The following BMAL1 variants were observed in gnomAD, a reference collection of about 807,000 sequenced individuals.
The protein encoded by BMAL1 is basic helix-loop-helix ARNT-like protein 1.
chr11:13,325,916 A>G, the BMAL1 span, among the ~76,000 whole-genome samples: 6 of 152,024 alleles, frequency 3.9e-5, no homozygotes, highest in South Asian at 1.2e-3. Flanking sequence ...GAAAGAGTAG[A>G]ACAAGGGGCC....
At chr11:13,287,525 A>G in the BMAL1 span, among the ~76,000 whole-genome samples, 1 of 152,222 alleles carries the variant, frequency 6.6e-6, no homozygotes, top group East Asian at 1.9e-4. Flanking sequence ...AAAGTCTCTC[A>G]ATAAATACTT....
the BMAL1 span, chr11:13,369,771 A>G: frequency 8.1e-6 from 13 of 1,608,006 alleles, no homozygotes; most frequent in Admixed American, 1.7e-5. Context: ...AAAAAAGGTA[A>G]CAATTTAACA....
At chr11:13,289,413 A>G in the BMAL1 span, among the ~76,000 whole-genome samples, 134 of 152,232 alleles carry the variant, frequency 8.8e-4, no homozygotes, top group Middle Eastern at 3.4e-3. Context: ...TTTAAGTTCT[A>G]GGGTACATGT....
chr11:13,341,738 T>C, the BMAL1 span, among the ~76,000 whole-genome samples: 1 of 152,276 alleles, frequency 6.6e-6, no homozygotes, highest in African/African-American at 2.4e-5. Flanking sequence ...CTCTCTCCTC[T>C]TATTCTGTAG....
the BMAL1 span, among the ~76,000 whole-genome samples, chr11:13,345,894 A>G: frequency 8.3e-4 from 126 of 152,292 alleles, no homozygotes; most frequent in Middle Eastern, 3.4e-3. Flanking sequence ...GTCTGTCAGC[A>G]TATGATGAGT....
chr11:13,354,576 G>A, the BMAL1 span: 35 of 1,333,678 alleles, frequency 2.6e-5, no homozygotes, highest in Admixed American at 5.5e-5. Context: ...AACTCTAGGT[G>A]GCGACACAGT....
At chr11:13,292,344 A>G in the BMAL1 span, among the ~76,000 whole-genome samples, 1 of 151,874 alleles carries the variant, frequency 6.6e-6, no homozygotes, top group East Asian at 1.9e-4. Flanking sequence ...GGAGATCGAG[A>G]CCATCCTGCT....
At chr11:13,356,178 C>T in the BMAL1 span, 1 of 436,044 alleles carries the variant, frequency 2.3e-6, no homozygotes, top group African/African-American at 2.0e-5. Flanking sequence ...TCTAGGGGTT[C>T]CCACCTACCT....
chr11:13,292,342 A>G, the BMAL1 span, among the ~76,000 whole-genome samples: 1 of 151,994 alleles, frequency 6.6e-6, no homozygotes, highest in South Asian at 2.1e-4. Flanking sequence ...CAGGAGATCG[A>G]GACCATCCTG....
At chr11:13,367,585 A>C in the BMAL1 span, among the ~76,000 whole-genome samples, 1,900 of 151,872 alleles carry the variant, frequency 0.013, 57 homozygotes, top group African/African-American at 0.044. Flanking sequence ...CCTGTAATCC[A>C]AGCTACTTGG....
chr11:13,330,716 A>G, the BMAL1 span, among the ~76,000 whole-genome samples: 2 of 152,236 alleles, frequency 1.3e-5, no homozygotes, highest in Non-Finnish European at 2.9e-5. Flanking sequence ...AGGAGATAAA[A>G]TCATTCTTCA....
At chr11:13,296,399 C>T in the BMAL1 span, among the ~76,000 whole-genome samples, 3 of 152,190 alleles carry the variant, frequency 2.0e-5, no homozygotes, top group African/African-American at 7.2e-5. Flanking sequence ...TTCCTCGCTC[C>T]TCTCCCACCC....
the BMAL1 span, among the ~76,000 whole-genome samples, chr11:13,296,521 G>A: frequency 9.2e-5 from 14 of 152,204 alleles, no homozygotes; most frequent in African/African-American, 2.4e-4. Flanking sequence ...GGAAAGGGGA[G>A]CTTATTACTA....
At chr11:13,345,216 C>T in the BMAL1 span, among the ~76,000 whole-genome samples, 2 of 152,186 alleles carry the variant, frequency 1.3e-5, no homozygotes, top group Admixed American at 6.5e-5. Context: ...GCAGGCCTTC[C>T]CTGGGGTCCC....
the BMAL1 span, among the ~76,000 whole-genome samples, chr11:13,361,288 T>C: frequency 6.6e-6 from 1 of 152,218 alleles, no homozygotes; most frequent in Non-Finnish European, 1.5e-5. Flanking sequence ...CACAAAGCTC[T>C]AAGTTGTGTT....
chr11:13,321,280 G>C, the BMAL1 span, among the ~76,000 whole-genome samples: 1 of 152,028 alleles, frequency 6.6e-6, no homozygotes, highest in Admixed American at 6.6e-5. Context: ...CTTTTGGGTT[G>C]CCCATCAATG....
the BMAL1 span, among the ~76,000 whole-genome samples, chr11:13,381,611 G>GA: frequency 1.3e-5 from 2 of 152,184 alleles, no homozygotes; most frequent in Non-Finnish European, 2.9e-5. Context: ...TTTCAAGGGA[G>GA]AAAATATTAG....
the BMAL1 span, among the ~76,000 whole-genome samples, chr11:13,291,737 A>G: frequency 6.6e-6 from 1 of 151,766 alleles, no homozygotes; most frequent in Non-Finnish European, 1.5e-5. Flanking sequence ...TTTGTGGTAT[A>G]CACTGTTACT....
chr11:13,373,166 T>C, the BMAL1 span, among the ~76,000 whole-genome samples: 1 of 152,198 alleles, frequency 6.6e-6, no homozygotes, highest in Non-Finnish European at 1.5e-5. Context: ...ACAGCGTTGA[T>C]CTAATCCAAC....
Sources: gnomAD v4.1 joint callset for allele counts (sites outside exome capture counted in the v4.1 genomes callset) on GRCh38, gnomAD v4.1.1 for gene constraint, MANE v1.5 for transcripts, NCBI Gene and HGNC (gene_info 2026-07-23, HGNC 2026-07-21) for gene names.